The following ANKFN1 variants were observed in gnomAD, a reference collection of about 807,000 sequenced individuals.
ANKFN1 encodes the protein ankyrin repeat and fibronectin type III domain containing 1, also known as ankyrin repeat and fibronectin type-III domain-containing protein 1.
ANKFN1 carries 74 observed loss-of-function variants against 108.7 expected under a neutral mutation model. The observed-to-expected ratio is 0.68, with a 90% CI of 0.56 to 0.83. The LOEUF (loss-of-function observed/expected upper bound fraction) is 0.83, where lower values mean the gene tolerates loss of function less well. ANKFN1 is among the 40% of genes least tolerant of loss of function. ANKFN1 has a pLI of 0.00. For synonymous variants in ANKFN1, 547 were observed against 516.2 expected (o/e 1.06, Z -0.81); for missense variants, 1,505 against 1,382.3 (o/e 1.09, Z -1.41).
At position 56,088,280 on chromosome 17, in the gene ANKFN1, CT is replaced by C. The variant is rs568965682; in HGVS notation, c.288+41956del. The stretch of plus-strand genomic sequence containing the variant: ...AGATACATCCCATCTCCCTTTTCTA[CT>C]CATGAAACAATTTTAGAGGAATGAG... On this transcript the variant is annotated intron_variant, in intron 4 of 12. Transcript: ENST00000635860. 1.1e-3 allele frequency among the ~76,000 whole-genome samples: 162 copies of C among 151,422 alleles called. 4 individuals are homozygous for C. Among genetic ancestry groups the C allele is most frequent in the African/African-American group, 3.8e-3 (155 of 41,304 alleles).
intron 3 of ANKFN1, among the ~76,000 whole-genome samples, chr17:56,290,307 C>A (rs543635982): frequency 6.6e-6 from 1 of 152,288 alleles, no homozygotes; most frequent in South Asian, 2.1e-4. Flanking sequence ...TAAACAGGAA[C>A]TTAAATAACT....
intron 4 of ANKFN1, among the ~76,000 whole-genome samples, chr17:56,068,072 T>C (rs1406844475): frequency 1.3e-5 from 2 of 152,148 alleles, no homozygotes; most frequent in African/African-American, 4.8e-5. Context: ...AAATATGCGG[T>C]GCACTCCTGG....
chr17:56,145,879 G>A (rs1015786644), intron 4 of ANKFN1, among the ~76,000 whole-genome samples: 1 of 152,132 alleles, frequency 6.6e-6, no homozygotes, highest in Non-Finnish European at 1.5e-5. Context: ...ATTGCCTGAG[G>A]TCTTAACTCA....
intron 1 of ANKFN1, among the ~76,000 whole-genome samples, chr17:56,166,472 C>T (rs988818259): frequency 3.3e-5 from 5 of 152,202 alleles, no homozygotes; most frequent in African/African-American, 1.2e-4. Flanking sequence ...CTTTACCTCC[C>T]TCAATGGGAT....
intron 3 of ANKFN1, among the ~76,000 whole-genome samples, chr17:56,324,274 A>C (rs1442567646): frequency 6.6e-6 from 1 of 152,226 alleles, no homozygotes; most frequent in African/African-American, 2.4e-5. Context: ...AGTAACGTTA[A>C]AGTATGTAGC....
At chr17:56,052,150 C>T (rs1320757554) in intron 4 of ANKFN1, among the ~76,000 whole-genome samples, 2 of 152,108 alleles carry the variant, frequency 1.3e-5, no homozygotes, top group African/African-American at 2.4e-5. Context: ...GGAGGAATCA[C>T]ACTACCTGAC....
At chr17:56,189,870 T>C (rs1912709894) in intron 1 of ANKFN1, among the ~76,000 whole-genome samples, 1 of 151,860 alleles carries the variant, frequency 6.6e-6, no homozygotes, top group South Asian at 2.1e-4. Flanking sequence ...TGGAACAAAA[T>C]AGAGAGCACG....
intron 1 of ANKFN1, among the ~76,000 whole-genome samples, chr17:56,161,946 G>A (rs1909695257): frequency 6.6e-6 from 1 of 152,202 alleles, no homozygotes; most frequent in South Asian, 2.1e-4. Context: ...ACACAGATGT[G>A]AGAGCAGAAA....
chr17:56,348,564 AAAC>A (rs2046164956), intron 4 of ANKFN1, among the ~76,000 whole-genome samples: 1 of 152,184 alleles, frequency 6.6e-6, no homozygotes, highest in Non-Finnish European at 1.5e-5. Flanking sequence ...TTATAAGAAA[AAAC>A]AACAACCCCA....
chr17:56,471,747 T>C (rs1391071304), intron 15 of ANKFN1: 2 of 152,228 alleles, frequency 1.3e-5, no homozygotes, highest in Non-Finnish European at 2.9e-5. Context: ...ACGACTTGGA[T>C]GAACCTTGAA....
chr17:56,216,191 A>G (rs937681207), intron 2 of ANKFN1, among the ~76,000 whole-genome samples: 16 of 152,244 alleles, frequency 1.1e-4, no homozygotes, highest in African/African-American at 3.6e-4. Flanking sequence ...ATTGATAGCT[A>G]AATATGTAAA....
At chr17:56,350,224 C>A (rs948605945) in intron 4 of ANKFN1, among the ~76,000 whole-genome samples, 1 of 152,088 alleles carries the variant, frequency 6.6e-6, no homozygotes, top group African/African-American at 2.4e-5. Flanking sequence ...TTCACCAAGC[C>A]TCAGATGGAC....
rs561604627 is a variant in ANKFN1, at chr17:56,174,723, C to T, written c.-71+21193C>T. On this transcript the variant is annotated intron_variant, in intron 1 of 20. Coordinates refer to ENST00000682825, the MANE Select transcript of ANKFN1 (RefSeq NM_001370326.1). ...TCTCAAATCTATTCACTGACTCCCA[C>T]GTCAGAGAATAAAGATGAACAAAGA... is the stretch of plus-strand genomic sequence containing the variant. Among the ~76,000 whole-genome samples, 14 of 152,302 alleles carry T rather than the reference C, an allele frequency of 9.2e-5. No individual in the cohort carries two copies. The South Asian group carries it at 2.1e-3, about 23-fold the overall frequency.
Position 56,326,224 on chromosome 17 carries a change from A to G in ANKFN1, c.57A>G (p.Ile19Met). The change falls in exon 4 of 21, where the codon ATA (isoleucine) becomes ATG (methionine). Residue 19 changes from isoleucine (I) to methionine (M), a missense_variant. Coordinates refer to ENST00000682825, the MANE Select transcript of ANKFN1 (RefSeq NM_001370326.1). ...TCGCATTTTATTCTTTACACAGAAT[A>G]GGAAGGAGATTCGCTTGCTTTGCAC... is the stretch of plus-strand genomic sequence containing the variant. ...KDRHFTCSKI[I>M]GRRFACFAQR... 2 of 1,611,812 alleles carry G rather than the reference A, an allele frequency of 1.2e-6. No homozygotes were observed. Among genetic ancestry groups the G allele is most frequent in the Non-Finnish European group, 1.7e-6 (2 of 1,179,110 alleles).
At chr17:56,280,192 G>T (rs1219063064) in intron 3 of ANKFN1, among the ~76,000 whole-genome samples, 1 of 151,614 alleles carries the variant, frequency 6.6e-6, no homozygotes, top group Non-Finnish European at 1.5e-5. Flanking sequence ...CGTCTTTTAT[G>T]TATAGAAATA....
At chr17:56,107,054 T>G (rs1343305877) in intron 4 of ANKFN1, among the ~76,000 whole-genome samples, 5 of 152,124 alleles carry the variant, frequency 3.3e-5, no homozygotes. Flanking sequence ...GGGGGCAAAG[T>G]GCTCCATTTC....
chr17:56,314,403 T>C (rs1274579057), intron 3 of ANKFN1, among the ~76,000 whole-genome samples: 1 of 152,250 alleles, frequency 6.6e-6, no homozygotes, highest in Non-Finnish European at 1.5e-5. Flanking sequence ...AAAGGCACTA[T>C]AGTTGCTCCA....
chr17:56,092,863 G>C (rs184577954), intron 4 of ANKFN1, among the ~76,000 whole-genome samples: 4 of 150,932 alleles, frequency 2.7e-5, no homozygotes, highest in African/African-American at 9.7e-5. Flanking sequence ...TCTTCTCTTA[G>C]AGACCACTCT....
intron 16 of ANKFN1, among the ~76,000 whole-genome samples, chr17:56,479,507 G>T (rs1228186801): frequency 6.6e-6 from 1 of 152,170 alleles, no homozygotes; most frequent in African/African-American, 2.4e-5. Context: ...TTGAGGTTTT[G>T]TTCTTTTCTT....
Sources: allele counts gnomAD v4.1 joint callset (sites outside exome capture counted in the v4.1 genomes callset), GRCh38; gene constraint gnomAD v4.1.1; transcripts MANE v1.5; gene names NCBI Gene and HGNC (gene_info 2026-07-23, HGNC 2026-07-21).